The following SEMA3B variants were observed in gnomAD, a reference collection of about 807,000 sequenced individuals.
The protein encoded by SEMA3B is semaphorin 3B.
Under a neutral mutation model 77.8 loss-of-function variants are expected in SEMA3B, and 71 were observed. That is an observed-to-expected ratio of 0.91 (90% CI 0.75 to 1.11). The LOEUF is 1.11. SEMA3B is among the 50% of genes most tolerant of loss of function. SEMA3B has a pLI of 0.00. For missense variants in SEMA3B, 968 were observed against 1,056.8 expected (o/e 0.92, Z 1.17); for synonymous variants, 470 against 452.9 (o/e 1.04, Z -0.48).
In SEMA3B at chr3:50,270,095, T is replaced by A. The variant is rs782441090; in HGVS notation, c.110-32T>A. ...ACCTGGGGGAGGCTTCCAGCATGGCTGGCGAGTCATCAGCAGTGTCCTGCC... is the reference window on the plus strand; with the variant it reads ...ACCTGGGGGAGGCTTCCAGCATGGCAGGCGAGTCATCAGCAGTGTCCTGCC... On this transcript the variant is annotated intron_variant, in intron 1 of 16. Coordinates refer to ENST00000616701, the MANE Select transcript of SEMA3B (RefSeq NM_001290060.2). This position sits in a 1 kb window ranked among gnomAD's most constrained non-coding sequence, Gnocchi z 4.7. The A allele has an allele frequency of 6.7e-7, 1 of 1,502,818 alleles. No individual in the cohort carries two copies. The highest frequency in any genetic ancestry group is 8.9e-7 in the Non-Finnish European group (1 of 1,122,742). The allele number at this position is 1,502,818 out of a possible 1,614,324, so 93.1% of individuals were successfully genotyped here. A position where few individuals can be genotyped will look rare whatever the true frequency, so the allele number is the denominator to read the frequency against.
At chr3:50,264,550 T>C (rs1700870046), upstream of SEMA3B, among the ~76,000 whole-genome samples, 1 of 152,158 alleles carries the variant, frequency 6.6e-6, no homozygotes, top group Admixed American at 6.5e-5. Flanking sequence ...ACAAGGGGGT[T>C]GATCCTTGGG....
rs200275744 is a variant in SEMA3B at position 50,275,677 on chromosome 3, C to G, written c.1706-28C>G. 1.6e-5 allele frequency: 26 copies of G among 1,612,392 alleles called. No homozygotes were observed. The highest frequency in any genetic ancestry group is 8.3e-5 in the Admixed American group (5 of 59,968). ...AGACGCCCCACCTGCCCTGCCTTGC[C>G]TAAATCTGACTTTCTTCTCGCCCCA... is the stretch of plus-strand genomic sequence containing the variant. On this transcript the variant is annotated intron_variant, in intron 15 of 16. Transcript: ENST00000616701. This position sits in a 1 kb window ranked among gnomAD's most constrained non-coding sequence, Gnocchi z 7.5.
Position 50,270,165 on chromosome 3 carries a change from G to C in SEMA3B, c.148G>C (p.Glu50Gln). The part of the protein sequence containing the change: ...AWHGLQTFSL[E>Q]RTCCYQALLV... ...GCATGGTCTCCAGACTTTCAGCCTG[G>C]AGCGAACCTGCTGCTACCAGGCCTT... Residue 50 changes from glutamate (E) to glutamine (Q), a missense_variant, in exon 2 of 17, where the codon GAG becomes CAG. Physicochemically the swap from Glu to Gln is conservative, Grantham distance 29. Transcript: ENST00000616701. This position sits in a 1 kb window ranked among gnomAD's most constrained non-coding sequence, Gnocchi z 4.7. 1 of 1,576,766 alleles carries C rather than the reference G, an allele frequency of 6.3e-7. No individual in the cohort carries two copies. Among genetic ancestry groups the C allele is most frequent in the Non-Finnish European group, 8.6e-7 (1 of 1,163,018 alleles).
In SEMA3B at chr3:50,276,088, C is replaced by T. The variant is rs1445498792; in HGVS notation, c.1846-214C>T. The T allele has an allele frequency of 5.1e-6, 4 of 787,128 alleles. No individual in the cohort carries two copies. Among genetic ancestry groups the T allele is most frequent in the South Asian group, 3.8e-5 (2 of 52,766 alleles). 48.8% of individuals were successfully genotyped at this position (787,128 alleles called of 1,614,324 possible). ...CCTCCCATTAAGGTCCCTGACCACCCCCCACCAAGTTCATGTAAACCCCGC... is the reference window on the plus strand; with the variant it reads ...CCTCCCATTAAGGTCCCTGACCACCTCCCACCAAGTTCATGTAAACCCCGC... On this transcript the variant is annotated intron_variant, in intron 16 of 16. Coordinates refer to ENST00000616701, the MANE Select transcript of SEMA3B (RefSeq NM_001290060.2). This position sits in a 1 kb window ranked among gnomAD's most constrained non-coding sequence, Gnocchi z 5.8.
rs1701180092 is a variant in SEMA3B at position 50,274,897 on chromosome 3, C to T, written c.1412C>T (p.Ala471Val). 1 of 1,611,132 alleles carries T rather than the reference C, an allele frequency of 6.2e-7. No homozygotes were observed. The highest frequency in any genetic ancestry group is 8.5e-7 in the Non-Finnish European group (1 of 1,179,778). Residue 471 changes from alanine to valine, a missense_variant, in exon 12 of 17, where the codon GCA becomes GTA. Transcript: ENST00000616701. The surrounding 1 kb of genome is among the most constrained non-coding windows in gnomAD (Gnocchi z 4.7). Reference protein sequence around the residue: ...ISVPKGSRPSAEGLLLEELHV... With the variant: ...ISVPKGSRPSVEGLLLEELHV... ...GTCCCCAAGGGCAGTAGGCCCAGCG[C>T]AGAGGGGCTGCTCCTGGAGGAGCTG...
In SEMA3B at chr3:50,276,949, G is replaced by C. The variant is rs587724607; in HGVS notation, c.*243G>C. 7.6e-5 allele frequency: 37 copies of C among 483,992 alleles called. No individual in the cohort carries two copies. In the South Asian group the frequency reaches 1.5e-3, roughly 19 times the overall value. The allele number at this position is 483,992 out of a possible 1,614,324, so 30.0% of individuals were successfully genotyped here. ...GGGCGCAGGATTCAGCCGGAGGGAA[G>C]GGACGGGGAAGCCGAGCTCCAGAGC... is the stretch of plus-strand genomic sequence containing the variant. On this transcript the variant is annotated 3_prime_UTR_variant, in exon 17 of 17. Transcript: ENST00000616701. The surrounding 1 kb of genome is among the most constrained non-coding windows in gnomAD (Gnocchi z 5.8).
upstream of SEMA3B, among the ~76,000 whole-genome samples, chr3:50,267,947 C>T (rs1700943695): frequency 6.6e-6 from 1 of 152,140 alleles, no homozygotes; most frequent in South Asian, 2.1e-4. This position sits in a 1 kb window ranked among gnomAD's most constrained non-coding sequence, Gnocchi z 5.7. Context: ...ACCTGCCCAG[C>T]TGACCCCTGG....
Position 50,275,022 on chromosome 3 carries a change from C to T in SEMA3B, c.1460C>T (p.Ala487Val). 6.3e-7 allele frequency: 1 copy of T among 1,593,308 alleles called. No homozygotes were observed. The highest frequency in any genetic ancestry group is 8.6e-7 in the Non-Finnish European group (1 of 1,166,344). ...CCTCCTCCCTCTCAGGACTCGGCCG[C>T]TGTCACCAGCATGCAAATTTCTTCC... ...EELHVFEDSA[A>V]VTSMQISSKR... Residue 487 changes from alanine to valine, a missense_variant, in exon 13 of 17, where the codon GCT (alanine) becomes GTT (valine). Ala to Val is a moderately conservative substitution (Grantham distance 64, BLOSUM62 0). Coordinates refer to ENST00000616701, the MANE Select transcript of SEMA3B (RefSeq NM_001290060.2). This position sits in a 1 kb window ranked among gnomAD's most constrained non-coding sequence, Gnocchi z 7.5.
upstream of SEMA3B, among the ~76,000 whole-genome samples, chr3:50,264,347 A>G (rs1700867744): frequency 6.6e-6 from 1 of 152,188 alleles, no homozygotes; most frequent in African/African-American, 2.4e-5. Context: ...AGGCCCTCAT[A>G]GGCCTGGGTG....
Position 50,273,880 on chromosome 3 carries a change from G to T in SEMA3B, c.993-33G>T. ...CGGGGCGGGCCGCTGGGCTCCACCC[G>T]GCCCCTCACCTCGCCCTGGTCTTCG... On this transcript the variant is annotated intron_variant, in intron 9 of 16. Transcript: ENST00000616701. The surrounding 1 kb of genome is among the most constrained non-coding windows in gnomAD (Gnocchi z 6.5). 2 of 1,576,150 alleles carry T rather than the reference G, an allele frequency of 1.3e-6. No individual in the cohort carries two copies. The highest frequency in any genetic ancestry group is 1.7e-6 in the Non-Finnish European group (2 of 1,158,930).
Position 50,273,300 on chromosome 3 carries a change from C to A in SEMA3B, c.667C>A (p.Pro223Thr). 6.2e-7 allele frequency: 1 copy of A among 1,613,452 alleles called. No homozygotes were observed. The highest frequency in any genetic ancestry group is 8.5e-7 in the Non-Finnish European group (1 of 1,179,622). Residue 223 changes from proline (P) to threonine (T), a missense_variant and splice_region_variant, in exon 7 of 17, where the codon CCC becomes ACC. Coordinates refer to ENST00000616701, the MANE Select transcript of SEMA3B (RefSeq NM_001290060.2). The surrounding 1 kb of genome is among the most constrained non-coding windows in gnomAD (Gnocchi z 6.5). ...CCCATGCCTCCTGCCGCGGTCAGAG[C>A]CCAAGTTTGTCAAGGTATTTTGGAT... ...EPHDSRWLNE[P>T]KFVKVFWIPE...
chr3:50,273,278 A>C lies in SEMA3B; in HGVS notation c.665-20A>C. 6.2e-7 allele frequency: 1 copy of C among 1,610,110 alleles called. No individual in the cohort carries two copies. On this transcript the variant is annotated intron_variant, in intron 6 of 16. Coordinates refer to ENST00000616701, the MANE Select transcript of SEMA3B (RefSeq NM_001290060.2). This position sits in a 1 kb window ranked among gnomAD's most constrained non-coding sequence, Gnocchi z 6.5. The stretch of plus-strand genomic sequence containing the variant: ...AGGCAAGGCCAGGACCCGCTGACCC[A>C]TGCCTCCTGCCGCGGTCAGAGCCCA...
At position 50,275,933 on chromosome 3, in the gene SEMA3B, A is replaced by C. The variant is rs1553706598; in HGVS notation, c.1845+89A>C. ...CGCCCTACCCAACGAAGCCCCGTCC[A>C]ACCAGACCCACTCCCCGCCCTGTCC... On this transcript the variant is annotated intron_variant, in intron 16 of 16. Transcript: ENST00000616701. The surrounding 1 kb of genome is among the most constrained non-coding windows in gnomAD (Gnocchi z 7.5). 7.0e-7 allele frequency: 1 copy of C among 1,421,288 alleles called. No homozygotes were observed. Among genetic ancestry groups the C allele is most frequent in the African/African-American group, 1.6e-5 (1 of 61,250 alleles). The allele number at this position is 1,421,288 out of a possible 1,614,324, so 88.0% of individuals were successfully genotyped here.
chr3:50,273,019 G>A lies in SEMA3B; in HGVS notation c.665-279G>A, dbSNP rs968630117. 5.4e-5 allele frequency: 24 copies of A among 447,616 alleles called. No individual in the cohort carries two copies. The highest frequency in any genetic ancestry group is 2.5e-5 in the South Asian group (1 of 40,656). The allele number at this position is 447,616 out of a possible 1,614,324, so 27.7% of individuals were successfully genotyped here. A position where few individuals can be genotyped will look rare whatever the true frequency, so the allele number is the denominator to read the frequency against. On this transcript the variant is annotated intron_variant, in intron 6 of 16. Transcript: ENST00000616701. This position sits in a 1 kb window ranked among gnomAD's most constrained non-coding sequence, Gnocchi z 6.5. The stretch of plus-strand genomic sequence containing the variant: ...ACCCCAGCCTAAGGTGCTGGGCGAC[G>A]TGTGGGGCGAGATCGGAGGCTAGCC...
At chr3:50,260,656 G>C in the SEMA3B span, 3 of 152,416 alleles carry the variant, frequency 2.0e-5, no homozygotes, top group Non-Finnish European at 4.4e-5. Context: ...CGCCCAGCAG[G>C]AAGCGGGCGG....
Position 50,276,945 on chromosome 3 carries a change from G to C in SEMA3B, c.*239G>C, listed in dbSNP as rs1701278340. The C allele has an allele frequency of 2.1e-6, 1 of 485,358 alleles. No homozygotes were observed. The highest frequency in any genetic ancestry group is 3.5e-6 in the Non-Finnish European group (1 of 286,662). 30.1% of individuals were successfully genotyped at this position (485,358 alleles called of 1,614,324 possible). ...GGTCGGGCGCAGGATTCAGCCGGAG[G>C]GAAGGGACGGGGAAGCCGAGCTCCA... On this transcript the variant is annotated 3_prime_UTR_variant, in exon 17 of 17. Coordinates refer to ENST00000616701, the MANE Select transcript of SEMA3B (RefSeq NM_001290060.2). This position sits in a 1 kb window ranked among gnomAD's most constrained non-coding sequence, Gnocchi z 5.8.
Position 50,269,321 on chromosome 3 carries a change from C to G in SEMA3B, c.81C>G (p.Ser27Arg), listed in dbSNP as rs927353157. ...WAVGLGSAAP[S>R]PPRLRLSFQE... ...TGGGGCTGGGGAGTGCCGCCCCCAG[C>G]CCCCCACGCCTTCGGCTCTCCTTCC... The change falls in exon 1 of 17, where the codon AGC becomes AGG. Residue 27 changes from serine to arginine, a missense_variant. Transcript: ENST00000616701. This position sits in a 1 kb window ranked among gnomAD's most constrained non-coding sequence, Gnocchi z 4.0. 271 of 1,515,664 alleles carry G rather than the reference C, an allele frequency of 1.8e-4. No individual in the cohort carries two copies. The highest frequency in any genetic ancestry group is 2.2e-4 in the Non-Finnish European group (250 of 1,137,486). The allele number at this position is 1,515,664 out of a possible 1,614,324, so 93.9% of individuals were successfully genotyped here. A position where few individuals can be genotyped will look rare whatever the true frequency, so the allele number is the denominator to read the frequency against.
rs1701121356 is a variant in SEMA3B, at chr3:50,273,604, T to C, written c.880T>C (p.Ser294Pro). ...TTFLKARLVC[S>P]VPGVEGDTHF... is the part of the protein sequence containing the mutation. ...GTTCCTGAAGGCGCGGCTGGTGTGC[T>C]CGGTGCCCGGCGTCGAGGGCGACAC... is the stretch of plus-strand genomic sequence containing the variant. Residue 294 changes from serine to proline, a missense_variant, in exon 8 of 17, where the codon TCG becomes CCG. By Grantham distance (74) the Ser-to-Pro change is moderately conservative (BLOSUM62 -1). Transcript: ENST00000616701. This position sits in a 1 kb window ranked among gnomAD's most constrained non-coding sequence, Gnocchi z 6.5. 1 of 1,612,650 alleles carries C rather than the reference T, an allele frequency of 6.2e-7. No homozygotes were observed. Among genetic ancestry groups the C allele is most frequent in the South Asian group, 1.1e-5 (1 of 91,076 alleles).
In SEMA3B at chr3:50,275,347, T is replaced by C. The variant is rs1553706327; in HGVS notation, c.1537T>C (p.Leu513=). Residue 513 remains leucine, a synonymous_variant, in exon 14 of 17, where the codon TTG becomes CTG. Transcript: ENST00000616701. This position sits in a 1 kb window ranked among gnomAD's most constrained non-coding sequence, Gnocchi z 7.5. ...GCGGAGCGCGGTGGCCCAGATCGCG[T>C]TGCACCGCTGCGCTGCCCACGGCCG... ...ASRSAVAQIA[L]HRCAAHGRVC... The C allele has an allele frequency of 6.3e-7, 1 of 1,583,114 alleles. No individual in the cohort carries two copies.
Sources: allele counts gnomAD v4.1 joint callset (sites outside exome capture counted in the v4.1 genomes callset), GRCh38; gene constraint gnomAD v4.1.1; non-coding constraint Gnocchi (gnomAD v3.1); transcripts MANE v1.5; gene names NCBI Gene and HGNC (gene_info 2026-07-23, HGNC 2026-07-21).